The following SYN3 variants were observed in gnomAD, a reference collection of about 807,000 sequenced individuals.
SYN3 encodes the protein synapsin III, also known as synapsin-3.
Under a neutral mutation model 65.8 loss-of-function variants are expected in SYN3, and 35 were observed. The ratio of observed to expected loss-of-function variants is 0.53; its 90% CI spans 0.41 to 0.70. The LOEUF (loss-of-function observed/expected upper bound fraction) is 0.70. Ranked by LOEUF, SYN3 falls within the 30% of genes least tolerant of loss-of-function variation. The pLI is 0.00. For missense variants in SYN3, 680 were observed against 749.0 expected (o/e 0.91, Z 1.08); for synonymous variants, 270 against 292.9 (o/e 0.92, Z 0.80).
intron 6 of SYN3, among the ~76,000 whole-genome samples, chr22:32,836,182 GA>G (rs1407326926): frequency 2.0e-5 from 3 of 152,324 alleles, no homozygotes; most frequent in African/African-American, 7.2e-5. Flanking sequence ...ATGGTTTTAA[GA>G]GTAAGATGTA....
chr22:32,704,932 C>A (rs570837968), intron 6 of SYN3, among the ~76,000 whole-genome samples: 2 of 152,108 alleles, frequency 1.3e-5, no homozygotes, highest in African/African-American at 2.4e-5. Flanking sequence ...CATTTAAGTT[C>A]CTTATAGATG....
At chr22:32,814,176 G>C (rs2047000603) in intron 6 of SYN3, among the ~76,000 whole-genome samples, 1 of 38,484 alleles carries the variant, frequency 2.6e-5, no homozygotes, top group Admixed American at 3.3e-4. Flanking sequence ...GAAAGAGAAA[G>C]AAAGAAAAGA....
chr22:32,715,853 G>A (rs912106992), intron 6 of SYN3, among the ~76,000 whole-genome samples: 1 of 151,256 alleles, frequency 6.6e-6, no homozygotes, highest in African/African-American at 2.4e-5. Flanking sequence ...AAGAAGTACA[G>A]AGGAGACATG....
At chr22:33,052,288 T>C (rs2054180443) in intron 1 of SYN3, among the ~76,000 whole-genome samples, 1 of 152,130 alleles carries the variant, frequency 6.6e-6, no homozygotes, top group Admixed American at 6.5e-5. Flanking sequence ...GTTTAGCAAT[T>C]CATTCAGAGG....
intron 6 of SYN3, among the ~76,000 whole-genome samples, chr22:32,771,682 C>A (rs9606993): frequency 0.15 from 23,093 of 152,192 alleles, 2,273 homozygotes; most frequent in East Asian, 0.35. Context: ...ATTTCAAATA[C>A]CCTACAAAAG....
rs146787918 is a variant in SYN3 at position 32,992,394 on chromosome 22, A to G, written c.312-11692T>C. On this transcript the variant is annotated intron_variant, in intron 2 of 13. Transcript: ENST00000358763. Reference sequence around the variant, plus strand: ...TTTGCCAATTAGATGAATTTTCTGTATACTGAGCTTAAATATGTCTCCCTC... The same window carrying G: ...TTTGCCAATTAGATGAATTTTCTGTGTACTGAGCTTAAATATGTCTCCCTC... Among the ~76,000 whole-genome samples, 153 of 152,338 alleles carry G rather than the reference A, an allele frequency of 1.0e-3. 1 individual carries two copies. Among genetic ancestry groups the G allele is most frequent in the African/African-American group, 3.6e-3 (148 of 41,572 alleles).
intron 6 of SYN3, among the ~76,000 whole-genome samples, chr22:32,654,687 C>T (rs1387770050): frequency 3.3e-5 from 5 of 152,152 alleles, no homozygotes; most frequent in Admixed American, 2.0e-4. Flanking sequence ...CTAGGTTGAA[C>T]GCTCCTTATG....
intron 6 of SYN3, among the ~76,000 whole-genome samples, chr22:32,743,467 G>C (rs2147407143): frequency 6.6e-6 from 1 of 152,362 alleles, no homozygotes; most frequent in South Asian, 2.1e-4. Flanking sequence ...AGACAGAGGA[G>C]AGGGAGGGAG....
chr22:32,693,042 G>A (rs1243794619), intron 6 of SYN3, among the ~76,000 whole-genome samples: 3 of 152,052 alleles, frequency 2.0e-5, no homozygotes, highest in Non-Finnish European at 4.4e-5. Flanking sequence ...AAGACCACCA[G>A]TGGACTCCTG....
chr22:32,552,420 C>T (rs58048019), intron 7 of SYN3, among the ~76,000 whole-genome samples: 48,560 of 138,028 alleles, frequency 0.35, 7,915 homozygotes, highest in Middle Eastern at 0.44. Context: ...AAAGGTTTTT[C>T]TTTTTTTTTT....
intron 6 of SYN3, among the ~76,000 whole-genome samples, chr22:32,624,859 G>A (rs546432238): frequency 6.6e-6 from 1 of 152,278 alleles, no homozygotes; most frequent in South Asian, 2.1e-4. Flanking sequence ...AGTCCTGCCC[G>A]CTAATTGTAC....
chr22:33,003,935 A>G (rs1285547359), intron 2 of SYN3, among the ~76,000 whole-genome samples: 1 of 152,210 alleles, frequency 6.6e-6, no homozygotes, highest in African/African-American at 2.4e-5. Context: ...CCTGTGTCGC[A>G]GCCACTTCAG....
intron 6 of SYN3, among the ~76,000 whole-genome samples, chr22:32,673,423 G>A (rs1056909654): frequency 6.6e-6 from 1 of 152,222 alleles, no homozygotes; most frequent in Non-Finnish European, 1.5e-5. Flanking sequence ...GGGCCGTTCG[G>A]TCATTGCTCA....
intron 6 of SYN3, chr22:32,857,450 A>T: frequency 1.0e-6 from 1 of 967,182 alleles, no homozygotes; most frequent in Non-Finnish European, 1.7e-6. Context: ...TAGTTGACTC[A>T]CCAAATGTCC....
chr22:32,863,372 T>C (rs181822966), intron 6 of SYN3, among the ~76,000 whole-genome samples: 1 of 152,344 alleles, frequency 6.6e-6, no homozygotes, highest in East Asian at 1.9e-4. Context: ...CCTTGTTTTC[T>C]TCCTAAGAAT....
intron 1 of SYN3, among the ~76,000 whole-genome samples, chr22:33,013,939 CTG>C (rs1412654736): frequency 2.0e-5 from 3 of 151,922 alleles, no homozygotes; most frequent in Non-Finnish European, 2.9e-5. Flanking sequence ...GGGTCTCACT[CTG>C]TTGCCCAGGC....
chr22:32,659,988 G>C (rs899402485), intron 6 of SYN3, among the ~76,000 whole-genome samples: 1 of 152,158 alleles, frequency 6.6e-6, no homozygotes, highest in Non-Finnish European at 1.5e-5. Context: ...TTTATTCAAT[G>C]GTTCAATGTA....
intron 3 of SYN3, among the ~76,000 whole-genome samples, chr22:32,942,633 C>A (rs187371701): frequency 4.6e-5 from 7 of 151,990 alleles, no homozygotes; most frequent in Non-Finnish European, 8.8e-5. Context: ...AGGCTTCAGA[C>A]GATCAAACTT....
At chr22:33,035,341 CCCCG>C (rs199531165) in intron 1 of SYN3, among the ~76,000 whole-genome samples, 5,103 of 115,874 alleles carry the variant, frequency 0.044, 482 homozygotes, top group African/African-American at 0.16. Context: ...CCCCCCCCCC[CCCCG>C]CCACCAAACT....
Sources: allele counts gnomAD v4.1 joint callset (sites outside exome capture counted in the v4.1 genomes callset), GRCh38; gene constraint gnomAD v4.1.1; transcripts MANE v1.5; gene names NCBI Gene and HGNC (gene_info 2026-07-23, HGNC 2026-07-21).